WWOX: variants seen among roughly 807,000 people sequenced by gnomAD.
WWOX encodes WW domain-containing oxidoreductase.
Under a neutral mutation model 46.2 loss-of-function variants are expected in WWOX, and 69 were observed. That is an observed-to-expected ratio of 1.49 (90% CI 1.23 to 1.82). WWOX has a LOEUF of 1.82. WWOX is among the 40% of genes most tolerant of loss of function. WWOX has a pLI of 0.00. For synonymous variants in WWOX, 359 were observed against 202.6 expected (o/e 1.77, Z -6.56); for missense variants, 919 against 542.6 (o/e 1.69, Z -6.89).
chr16:78,946,548 C>G (rs578109589), intron 8 of WWOX, among the ~76,000 whole-genome samples: 3 of 152,208 alleles, frequency 2.0e-5, no homozygotes, highest in South Asian at 4.1e-4. Flanking sequence ...AATGACCAAA[C>G]CAGTCTTTCC....
At chr16:79,077,008 T>G (rs975003227) in intron 8 of WWOX, among the ~76,000 whole-genome samples, 8 of 152,204 alleles carry the variant, frequency 5.3e-5, no homozygotes, top group African/African-American at 1.9e-4. Flanking sequence ...ATGAAATGAC[T>G]GTTTTTATAG....
At chr16:78,393,019 T>C (rs944414136) in intron 6 of WWOX, among the ~76,000 whole-genome samples, 1 of 152,204 alleles carries the variant, frequency 6.6e-6, no homozygotes, top group African/African-American at 2.4e-5. Context: ...TGGGCATTAC[T>C]GGAAAGTTCC....
chr16:79,189,352 G>C (rs777043507), intron 8 of WWOX, among the ~76,000 whole-genome samples: 1 of 151,590 alleles, frequency 6.6e-6, no homozygotes, highest in Admixed American at 6.6e-5. Context: ...CGACTTCCCA[G>C]GCTTAGGTGA....
intron 8 of WWOX, among the ~76,000 whole-genome samples, chr16:78,913,923 A>C (rs993922101): frequency 2.6e-5 from 4 of 152,018 alleles, no homozygotes; most frequent in Non-Finnish European, 5.9e-5. Flanking sequence ...GGCCTCCCAA[A>C]GTGCTTGGAT....
At chr16:78,328,889 T>A (rs552535870) in intron 5 of WWOX, among the ~76,000 whole-genome samples, 1 of 152,240 alleles carries the variant, frequency 6.6e-6, no homozygotes, top group South Asian at 2.1e-4. Flanking sequence ...TTTCTAACAG[T>A]CTTGCTCTGT....
Position 78,107,579 on chromosome 16 carries a change from C to T in WWOX, c.108-844C>T, listed in dbSNP as rs562730448. ...AAGGTGCACAGCGCACAGCTAGATGCCCTATGGGAAGGTCTTACTGCATCT... is the reference window on the plus strand; with the variant it reads ...AAGGTGCACAGCGCACAGCTAGATGTCCTATGGGAAGGTCTTACTGCATCT... On this transcript the variant is annotated intron_variant, in intron 1 of 8. Transcript: ENST00000566780. 2.0e-5 allele frequency among the ~76,000 whole-genome samples: 3 copies of T among 152,016 alleles called. No individual in the cohort carries two copies. The East Asian group carries it at 5.8e-4, about 29-fold the overall frequency.
At chr16:78,135,847 G>A (rs2033773427) in intron 4 of WWOX, among the ~76,000 whole-genome samples, 1 of 152,114 alleles carries the variant, frequency 6.6e-6, no homozygotes, top group Non-Finnish European at 1.5e-5. Flanking sequence ...ACCTCTATGT[G>A]ACTTTTGAGA....
At chr16:79,016,056 G>A (rs1403640826) in intron 8 of WWOX, 1 of 152,154 alleles carries the variant, frequency 6.6e-6, no homozygotes, top group Non-Finnish European at 1.5e-5. Context: ...GCCTGATCCT[G>A]ACTTAGTTAC....
intron 8 of WWOX, among the ~76,000 whole-genome samples, chr16:78,643,850 C>G (rs2046780513): frequency 1.3e-5 from 2 of 151,868 alleles, no homozygotes; most frequent in Non-Finnish European, 2.9e-5. Context: ...AACTTTCTTC[C>G]CAGCCTGAGA....
At chr16:78,351,379 A>G (rs921714743) in intron 5 of WWOX, among the ~76,000 whole-genome samples, 2 of 152,170 alleles carry the variant, frequency 1.3e-5, no homozygotes, top group African/African-American at 2.4e-5. Flanking sequence ...CAGGTAGAAA[A>G]CTGGGATGCC....
intron 8 of WWOX, among the ~76,000 whole-genome samples, chr16:79,055,858 G>C (rs1395966398): frequency 6.6e-6 from 1 of 152,158 alleles, no homozygotes; most frequent in Non-Finnish European, 1.5e-5. Context: ...TGAGGACTAA[G>C]CTTTGCTCTT....
intron 8 of WWOX, among the ~76,000 whole-genome samples, chr16:78,701,544 C>T (rs573587670): frequency 6.6e-6 from 1 of 152,232 alleles, no homozygotes; most frequent in Non-Finnish European, 1.5e-5. Context: ...CCTCTCCCTA[C>T]TTTTCTCTTT....
At chr16:79,036,586 A>T (rs1258687118) in intron 8 of WWOX, among the ~76,000 whole-genome samples, 2 of 152,176 alleles carry the variant, frequency 1.3e-5, no homozygotes, top group African/African-American at 4.8e-5. Context: ...GGGAGAAGAG[A>T]TGAATGATCT....
chr16:78,480,008 C>T (rs766025886), intron 8 of WWOX, among the ~76,000 whole-genome samples: 1 of 152,156 alleles, frequency 6.6e-6, no homozygotes, highest in Non-Finnish European at 1.5e-5. Context: ...CTAGCTTGTT[C>T]TCACTGAAGC....
intron 5 of WWOX, among the ~76,000 whole-genome samples, chr16:78,317,117 C>T (rs2080371253): frequency 6.6e-6 from 1 of 152,142 alleles, no homozygotes; most frequent in Non-Finnish European, 1.5e-5. Context: ...GGAGAAGGAC[C>T]ATCTCACCCG....
chr16:78,861,773 G>T (rs2043890496), intron 8 of WWOX, among the ~76,000 whole-genome samples: 1 of 152,162 alleles, frequency 6.6e-6, no homozygotes, highest in Non-Finnish European at 1.5e-5. Context: ...AAAGTTGGTT[G>T]AATAGTTTCT....
At chr16:78,146,246 G>C (rs34767902) in intron 4 of WWOX, among the ~76,000 whole-genome samples, 10,743 of 152,162 alleles carry the variant, frequency 0.071, 415 homozygotes, top group Non-Finnish European at 0.098. Context: ...CTGGCAAGCC[G>C]TGCAGGTTGG....
intron 8 of WWOX, among the ~76,000 whole-genome samples, chr16:78,944,607 A>G (rs1332268139): frequency 2.6e-5 from 4 of 152,174 alleles, no homozygotes; most frequent in Non-Finnish European, 5.9e-5. Context: ...TTTCCCAAAG[A>G]TCATACTGGG....
At chr16:78,713,990 T>A (rs1475156835) in intron 8 of WWOX, among the ~76,000 whole-genome samples, 1 of 152,124 alleles carries the variant, frequency 6.6e-6, no homozygotes, top group Non-Finnish European at 1.5e-5. Context: ...GTGTGTACTC[T>A]AGTTCTCTTT....
Sources: gnomAD v4.1 joint callset for allele counts (sites outside exome capture counted in the v4.1 genomes callset) on GRCh38, gnomAD v4.1.1 for gene constraint, MANE v1.5 for transcripts, NCBI Gene and HGNC (gene_info 2026-07-23, HGNC 2026-07-21) for gene names.